THBS1: variants seen among roughly 807,000 people sequenced by gnomAD.
THBS1 encodes the protein thrombospondin 1.
In THBS1, 29 loss-of-function variants were observed where a neutral mutation model predicts 126.1. The ratio of observed to expected loss-of-function variants is 0.23; its 90% CI spans 0.17 to 0.31. The LOEUF (loss-of-function observed/expected upper bound fraction) is 0.31, where lower values mean the gene tolerates loss of function less well. Ranked by LOEUF, THBS1 falls within the 10% of genes least tolerant of loss-of-function variation. The probability of loss-of-function intolerance (pLI) is 1.00; values close to 1 mark genes in which losing one functional copy is unlikely to be tolerated. For missense variants in THBS1, 1,198 were observed against 1,545.2 expected, an observed-to-expected ratio of 0.78 and a Z score of 3.77; for synonymous variants, 496 against 577.8, an observed-to-expected ratio of 0.86 and a Z score of 2.03.
intron 21 of THBS1, 142 bp from the exon 22 acceptor site, chr15:39,595,220 G>A (rs773680600): frequency 2.0e-6 from 1 of 489,924 alleles, no homozygotes; most frequent in African/African-American, 2.0e-5. Context: ...AAATGCTAAT[G>A]TGCTTGAACA....
chr15:39,586,697 T>C (rs1275537288), intron 7 of THBS1: 1 of 152,184 alleles, frequency 6.6e-6, no homozygotes, highest in Non-Finnish European at 1.5e-5. Flanking sequence ...CTGACAGAAA[T>C]GACTCCTATA....
intron 7 of THBS1, among the ~76,000 whole-genome samples, chr15:39,585,931 T>C (rs767746440): frequency 9.2e-5 from 14 of 152,202 alleles, no homozygotes; most frequent in Non-Finnish European, 1.8e-4. Flanking sequence ...ACCAGAGATA[T>C]TGACAGGCTT....
rs1409741145 is a variant in THBS1, at chr15:39,593,530, C to T, written c.3129C>T (p.Val1043=). Residue 1043 remains valine, a synonymous_variant, in exon 19 of 22, where the codon GTC becomes GTT. Coordinates refer to ENST00000260356, the MANE Select transcript of THBS1 (RefSeq NM_003246.4). This position sits in a 1 kb window ranked among gnomAD's most constrained non-coding sequence, Gnocchi z 5.9. ...SRFYVVMWKQ[V]TQSYWDTNPT... ...TTTATGTTGTGATGTGGAAGCAAGT[C>T]ACCCAGTCCTACTGGGACACCAACC... is the stretch of plus-strand genomic sequence containing the variant. 2.5e-5 allele frequency: 41 copies of T among 1,614,210 alleles called. No homozygotes were observed. Among genetic ancestry groups the T allele is most frequent in the Non-Finnish European group, 3.5e-5 (41 of 1,180,036 alleles).
chr15:39,581,625 ATC>A, intron 1 of THBS1: 1 of 436,136 alleles, frequency 2.3e-6, no homozygotes, highest in East Asian at 3.4e-5. Context: ...TAAAACCAGC[ATC>A]TCTTTCCTCC....
rs777901728 is a variant in THBS1 at position 39,593,502 on chromosome 15, G to A, written c.3101G>A (p.Arg1034His). 21 of 1,614,156 alleles carry A rather than the reference G, an allele frequency of 1.3e-5. No homozygotes were observed. Among genetic ancestry groups the A allele is most frequent in the Non-Finnish European group, 1.4e-5 (17 of 1,180,026 alleles). ...GTCTTTGGCTACCAGTCCAGCAGCC[G>A]CTTTTATGTTGTGATGTGGAAGCAA... ...GFVFGYQSSS[R>H]FYVVMWKQVT... Residue 1034 changes from arginine to histidine, a missense_variant, in exon 19 of 22, where the codon CGC becomes CAC. Around this residue, in one of 4 missense-constraint regions of THBS1, gnomAD observed 255 missense variants for 373.9 expected, o/e 0.68. Coordinates refer to ENST00000260356, the MANE Select transcript of THBS1 (RefSeq NM_003246.4). This position sits in a 1 kb window ranked among gnomAD's most constrained non-coding sequence, Gnocchi z 5.9.
At position 39,582,520 on chromosome 15, in the gene THBS1, T is replaced by C. The variant is rs1383948109; in HGVS notation, c.395T>C (p.Leu132Pro). The change falls in exon 3 of 22, where the codon CTG becomes CCG. Residue 132 changes from leucine (L) to proline (P), a missense_variant. Leu to Pro is a moderately conservative substitution (Grantham distance 98). Around this residue, in one of 4 missense-constraint regions of THBS1, gnomAD observed 271 missense variants for 277.0 expected, o/e 0.98. Coordinates refer to ENST00000260356, the MANE Select transcript of THBS1 (RefSeq NM_003246.4). Reference sequence around the variant, plus strand: ...AAGGCGGGCACCCTGGACCTCAGCCTGACCGTCCAAGGAAAGCAGCACGTG... The same window carrying C: ...AAGGCGGGCACCCTGGACCTCAGCCCGACCGTCCAAGGAAAGCAGCACGTG... ...NGKAGTLDLS[L>P]TVQGKQHVVS... The C allele has an allele frequency of 1.2e-6, 2 of 1,614,040 alleles. No individual in the cohort carries two copies. Among genetic ancestry groups the C allele is most frequent in the Non-Finnish European group, 1.7e-6 (2 of 1,180,026 alleles).
Position 39,587,539 on chromosome 15 carries a change from CAG to C in THBS1, c.1294+20_1294+21del. 1 of 1,600,116 alleles carries C rather than the reference CAG, an allele frequency of 6.2e-7. No individual in the cohort carries two copies. The highest frequency in any genetic ancestry group is 8.5e-7 in the Non-Finnish European group (1 of 1,171,248). Reference sequence around the variant, plus strand: ...AAGAGATGTAAGCATCTTAGCCTCTCAGGGACGTGGAGAACTGACCTGTCCTT... The same window carrying C: ...AAGAGATGTAAGCATCTTAGCCTCTCGGACGTGGAGAACTGACCTGTCCTT... On this transcript the variant is annotated intron_variant, in intron 8 of 21. Coordinates refer to ENST00000260356, the MANE Select transcript of THBS1 (RefSeq NM_003246.4).
chr15:39,582,587 G>C lies in THBS1; in HGVS notation c.462G>C (p.Lys154Asn). The C allele has an allele frequency of 6.2e-7, 1 of 1,614,168 alleles. No homozygotes were observed. The highest frequency in any genetic ancestry group is 8.5e-7 in the Non-Finnish European group (1 of 1,180,040). ...CTCTCCTGGCAACCGGCCAGTGGAA[G>C]AGCATCACCCTGTTTGTGCAGGAAG... ...EEALLATGQW[K>N]SITLFVQEDR... Residue 154 changes from lysine (K) to asparagine (N), a missense_variant, in exon 3 of 22, where the codon AAG (lysine) becomes AAC (asparagine). Around this residue, in one of 4 missense-constraint regions of THBS1, gnomAD observed 271 missense variants for 277.0 expected, o/e 0.98. Coordinates refer to ENST00000260356, the MANE Select transcript of THBS1 (RefSeq NM_003246.4).
At chr15:39,585,045 C>T (rs1034056383) in intron 6 of THBS1, among the ~76,000 whole-genome samples, 3 of 152,186 alleles carry the variant, frequency 2.0e-5, no homozygotes, top group Non-Finnish European at 4.4e-5. Flanking sequence ...AATATAAAGA[C>T]AGATCACAGA....
At chr15:39,591,136 C>A (rs143170723) in intron 14 of THBS1, 55 bp from the exon 15 acceptor site, 22 of 1,584,004 alleles carry the variant, frequency 1.4e-5, no homozygotes, top group Middle Eastern at 1.7e-4. Flanking sequence ...TGGTTTGAGG[C>A]TTGAGCTGTT....
Position 39,591,366 on chromosome 15 carries a change from A to G in THBS1, c.2413+16A>G. ...GATGGAGACGGTAAGGTGCTGCCTGATCAGAGGGCCCGCGGGAGACAGGGA... is the reference window on the plus strand; with the variant it reads ...GATGGAGACGGTAAGGTGCTGCCTGGTCAGAGGGCCCGCGGGAGACAGGGA... On this transcript the variant is annotated intron_variant, in intron 15 of 21. Transcript: ENST00000260356. 2 of 1,607,484 alleles carry G rather than the reference A, an allele frequency of 1.2e-6. No individual in the cohort carries two copies. Among genetic ancestry groups the G allele is most frequent in the Non-Finnish European group, 1.7e-6 (2 of 1,175,684 alleles).
At chr15:39,586,819 CA>C (rs2140345736) in intron 7 of THBS1, 1 of 152,342 alleles carries the variant, frequency 6.6e-6, no homozygotes, top group African/African-American at 2.4e-5. Context: ...GAAAGAAAAT[CA>C]ATGAATAGGA....
In THBS1 at chr15:39,589,091, G is replaced by C. The variant is rs1890272720; in HGVS notation, c.1773+5G>C. On this transcript the variant is annotated splice_donor_5th_base_variant and intron_variant, in intron 11 of 21. Transcript: ENST00000260356. The surrounding 1 kb of genome is among the most constrained non-coding windows in gnomAD (Gnocchi z 4.7). ...CAGTGCACAGATGTTGATGAGGTGA[G>C]GAACTGATGGGGCTCCGAGTTTCTG... is the stretch of plus-strand genomic sequence containing the variant. The C allele has an allele frequency of 2.5e-6, 4 of 1,613,510 alleles. No individual in the cohort carries two copies. The East Asian group carries it at 8.9e-5, about 36-fold the overall frequency.
rs183229427 is a variant in THBS1 at position 39,594,064 on chromosome 15, C to T, written c.3268-35C>T. 1.7e-4 allele frequency: 276 copies of T among 1,579,746 alleles called. 1 individual carries two copies. In the East Asian group the frequency reaches 5.4e-3, roughly 31 times the overall value. On this transcript the variant is annotated intron_variant, in intron 19 of 21. Transcript: ENST00000260356. The surrounding 1 kb of genome is among the most constrained non-coding windows in gnomAD (Gnocchi z 4.4). ...AAATAGAAATCTTTACCTGAAGGAGCTGTGTTTCAACCTTTCCTTTTCCTT... is the reference window on the plus strand; with the variant it reads ...AAATAGAAATCTTTACCTGAAGGAGTTGTGTTTCAACCTTTCCTTTTCCTT...
Position 39,595,804 on chromosome 15 carries a change from A to G in THBS1, c.*435A>G, listed in dbSNP as rs1212598328. 1 of 460,838 alleles carries G rather than the reference A, an allele frequency of 2.2e-6. No individual in the cohort carries two copies. The highest frequency in any genetic ancestry group is 4.3e-6 in the Non-Finnish European group (1 of 230,330). 28.5% of individuals were successfully genotyped at this position (460,838 alleles called of 1,614,324 possible). A position where few individuals can be genotyped will look rare whatever the true frequency, so the allele number is the denominator to read the frequency against. On this transcript the variant is annotated 3_prime_UTR_variant, in exon 22 of 22. Coordinates refer to ENST00000260356, the MANE Select transcript of THBS1 (RefSeq NM_003246.4). ...ACCACCCTGACATCCTCCTTCAGGA[A>G]CACGGGGAGCAGAGGCCAAAGCACT...
Position 39,583,037 on chromosome 15 carries a change from C to A in THBS1, c.627+285C>A, listed in dbSNP as rs1595506488. Among the ~76,000 whole-genome samples the A allele has an allele frequency of 5.9e-5, 9 of 152,326 alleles. 1 individual carries two copies. The South Asian group carries it at 1.9e-3, about 32-fold the overall frequency. ...ACTCAAGGAAACAAGAAATGGTTTT[C>A]CTTTAGCAGTCAGCCTGTTCAAGCC... On this transcript the variant is annotated intron_variant, in intron 3 of 21. Transcript: ENST00000260356.
rs1890113087 is a variant in THBS1, at chr15:39,581,827, A to G, written c.-29-2A>G. On this transcript the variant is annotated splice_acceptor_variant, in intron 1 of 21. Coordinates refer to ENST00000260356, the MANE Select transcript of THBS1 (RefSeq NM_003246.4). LOFTEE classifies it low-confidence loss of function (5UTR_SPLICE). ...CCTCGGCTCTTGTGCTTCCTGCTAC[A>G]GGATCCCTGCTGGGCACCAACAGCT... 1 of 1,606,220 alleles carries G rather than the reference A, an allele frequency of 6.2e-7. No individual in the cohort carries two copies.
Position 39,594,244 on chromosome 15 carries a change from A to G in THBS1, c.3365+48A>G. 6.2e-7 allele frequency: 1 copy of G among 1,613,750 alleles called. No homozygotes were observed. The highest frequency in any genetic ancestry group is 1.1e-5 in the South Asian group (1 of 91,048). On this transcript the variant is annotated intron_variant, in intron 20 of 21. Coordinates refer to ENST00000260356, the MANE Select transcript of THBS1 (RefSeq NM_003246.4). The surrounding 1 kb of genome is among the most constrained non-coding windows in gnomAD (Gnocchi z 4.4). The stretch of plus-strand genomic sequence containing the variant: ...TCACTTACAGTCACACTGAGGGACA[A>G]AAAGACAAAAAGTATTAAATAGCAT...
intron 6 of THBS1, 121 bp downstream of exon 6, chr15:39,584,543 GTTT>G (rs5812127): frequency 1.8e-5 from 21 of 1,196,526 alleles, no homozygotes; most frequent in Non-Finnish European, 2.1e-5. Context: ...ATAACAAAGT[GTTT>G]TTTTTTTCTT....
Sources: allele counts gnomAD v4.1 joint callset (sites outside exome capture counted in the v4.1 genomes callset), GRCh38; gene constraint gnomAD v4.1.1; regional missense constraint gnomAD v4.1.1; non-coding constraint Gnocchi (gnomAD v3.1); transcripts MANE v1.5; gene names NCBI Gene and HGNC (gene_info 2026-07-23, HGNC 2026-07-21).